The following C19orf53 variants were observed in gnomAD, a reference collection of about 807,000 sequenced individuals.
C19orf53 encodes chromosome 19 open reading frame 53, also known as leydig cell tumor 10 kDa protein homolog.
A neutral mutation model predicts 6.5 loss-of-function variants in C19orf53; 9 were observed. The observed-to-expected ratio is 1.38, with a 90% confidence interval of 0.83 to 2.40. The LOEUF is 2.40. Ranked by LOEUF, C19orf53 falls within the 30% of genes most tolerant of loss-of-function variation. The pLI is 0.00. For synonymous variants in C19orf53, 68 were observed against 52.5 expected (o/e 1.29, Z -1.27); for missense variants, 166 against 129.7 (o/e 1.28, Z -1.36).
At position 13,778,748 on chromosome 19, in the gene C19orf53, C is replaced by T. The variant is rs1048029222; in HGVS notation, c.*550C>T. Among the ~76,000 whole-genome samples the T allele has an allele frequency of 4.6e-5, 7 of 152,172 alleles. No homozygotes were observed. The highest frequency in any genetic ancestry group is 7.4e-5 in the Non-Finnish European group (5 of 68,022). On this transcript the variant is annotated 3_prime_UTR_variant, in exon 3 of 3. Transcript: ENST00000588234. ...ATGCCACCTCACAGGACCAAGGTGC[C>T]GATTAAACCGGAATACATTCAGAAA...
At chr19:13,776,211 C>T (rs1211256185) in intron 2 of C19orf53, among the ~76,000 whole-genome samples, 2 of 147,868 alleles carry the variant, frequency 1.4e-5, no homozygotes, top group Non-Finnish European at 3.0e-5. Context: ...AACTCCTGAC[C>T]TCATGATCTA....
chr19:13,776,003 C>G (rs1354301008), intron 2 of C19orf53, among the ~76,000 whole-genome samples: 1 of 151,944 alleles, frequency 6.6e-6, no homozygotes, highest in Non-Finnish European at 1.5e-5. Flanking sequence ...GTCGCCCAGG[C>G]TGGAGTGCAG....
Position 13,774,666 on chromosome 19 carries a change from C to G in C19orf53, c.112C>G (p.Pro38Ala). 3.1e-6 allele frequency: 5 copies of G among 1,609,930 alleles called. No individual in the cohort carries two copies. Among genetic ancestry groups the G allele is most frequent in the Non-Finnish European group, 4.3e-6 (5 of 1,176,434 alleles). Reference sequence around the variant, plus strand: ...TCTTTCCCCAGGTCGTGTTATCGCTCCCAAGAAGGCGCGCGTCGTGCAGCA... The same window carrying G: ...TCTTTCCCCAGGTCGTGTTATCGCTGCCAAGAAGGCGCGCGTCGTGCAGCA... ...GPRKGGRVIA[P>A]KKARVVQQQK... is the part of the protein sequence containing the mutation. Residue 38 changes from proline (P) to alanine (A), a missense_variant, in exon 2 of 3, where the codon CCC becomes GCC. Physicochemically the swap from Pro to Ala is conservative, Grantham distance 27. Transcript: ENST00000588234.
At chr19:13,777,920 C>T in intron 2 of C19orf53, 132 bp from the exon 3 acceptor site, 1 of 1,158,280 alleles carries the variant, frequency 8.6e-7, no homozygotes, top group Middle Eastern at 3.1e-4. Context: ...CCACCAGACC[C>T]ACAGTCAGGT....
chr19:13,778,406 T>C lies in C19orf53; in HGVS notation c.*208T>C. The C allele has an allele frequency of 1.9e-6, 1 of 513,984 alleles. No individual in the cohort carries two copies. 31.8% of individuals were successfully genotyped at this position (513,984 alleles called of 1,614,324 possible). On this transcript the variant is annotated 3_prime_UTR_variant, in exon 3 of 3. Transcript: ENST00000588234. ...TAACTTCATCTGTCCCCGTGCCCCT[T>C]CCCAGGTCCTGCCTCCACAGGTTTA...
chr19:13,777,176 T>G (rs184763483), intron 2 of C19orf53, among the ~76,000 whole-genome samples: 2 of 152,172 alleles, frequency 1.3e-5, no homozygotes, highest in Admixed American at 6.6e-5. Flanking sequence ...GGTCTAGAGC[T>G]CCTGACCTCA....
rs747721189 is a variant in C19orf53, at chr19:13,774,505, G to A, written c.28G>A (p.Ala10Thr). The change falls in exon 1 of 3, where the codon GCG becomes ACG. Residue 10 changes from alanine (A) to threonine (T), a missense_variant. By Grantham distance (58) the Ala-to-Thr change is moderately conservative (BLOSUM62 0). Coordinates refer to ENST00000588234, the MANE Select transcript of C19orf53 (RefSeq NM_014047.3). MAQGQRKFQ[A>T]HKPAKSKTAA... is the part of the protein sequence containing the mutation. ...GGCGCAGGGGCAGCGCAAGTTTCAG[G>A]CGCACAAACCCGCAAAGAGTAAGAC... 5.0e-6 allele frequency: 8 copies of A among 1,612,540 alleles called. No homozygotes were observed. The South Asian group carries it at 6.6e-5, about 13-fold the overall frequency.
At chr19:13,777,186 A>C (rs994241116) in intron 2 of C19orf53, among the ~76,000 whole-genome samples, 1 of 151,930 alleles carries the variant, frequency 6.6e-6, no homozygotes, top group African/African-American at 2.4e-5. Context: ...TCCTGACCTC[A>C]GGTGATATGC....
chr19:13,776,124 A>ATTTTTTTTTTTTTT (rs57201742), intron 2 of C19orf53, among the ~76,000 whole-genome samples: 1 of 84,920 alleles, frequency 1.2e-5, no homozygotes, highest in Non-Finnish European at 2.2e-5. Context: ...CACCGGGCTA[A>ATTTTTTTTTTTTTT]TTTTTTTTTT....
chr19:13,777,885 G>T (rs1974386347), intron 2 of C19orf53, among the ~76,000 whole-genome samples, 167 bp from the exon 3 acceptor site: 1 of 152,132 alleles, frequency 6.6e-6, no homozygotes, highest in Admixed American at 6.6e-5. Context: ...TGGAGGCCCC[G>T]GAGAGTGCAG....
chr19:13,776,230 G>T (rs1357838662), intron 2 of C19orf53, among the ~76,000 whole-genome samples: 1 of 145,218 alleles, frequency 6.9e-6, no homozygotes, highest in Non-Finnish European at 1.5e-5. Context: ...TACCCGCCTC[G>T]GCCTCCCAAA....
chr19:13,778,447 C>G lies in C19orf53; in HGVS notation c.*249C>G, dbSNP rs546403374. On this transcript the variant is annotated 3_prime_UTR_variant, in exon 3 of 3. Transcript: ENST00000588234. ...CACAGGTTTAACCCAGAACAATAAA[C>G]CTGGCTTTGTCATCCCTCTTGCAGT... 12 of 366,296 alleles carry G rather than the reference C, an allele frequency of 3.3e-5. No individual in the cohort carries two copies. Among genetic ancestry groups the G allele is most frequent in the African/African-American group, 2.3e-4 (11 of 48,048 alleles). The allele number at this position is 366,296 out of a possible 1,614,324, so 22.7% of individuals were successfully genotyped here. A position where few individuals can be genotyped will look rare whatever the true frequency, so the allele number is the denominator to read the frequency against.
In C19orf53 at chr19:13,775,003, A is replaced by T; in HGVS notation, c.153+296A>T. The T allele has an allele frequency of 5.6e-6, 3 of 534,528 alleles. No homozygotes were observed. The South Asian group carries it at 9.1e-5, about 16-fold the overall frequency. 33.1% of individuals were successfully genotyped at this position (534,528 alleles called of 1,614,324 possible). On this transcript the variant is annotated intron_variant, in intron 2 of 2. Transcript: ENST00000588234. ...CGAGGGAAGGAGCACAGGGATCGGCAAAGGGCAAGGGATGAGGCCTGGAGG... is the reference window on the plus strand; with the variant it reads ...CGAGGGAAGGAGCACAGGGATCGGCTAAGGGCAAGGGATGAGGCCTGGAGG...
At chr19:13,776,124 AT>A (rs57201742) in intron 2 of C19orf53, among the ~76,000 whole-genome samples, 1,136 of 84,890 alleles carry the variant, frequency 0.013, 8 homozygotes, top group African/African-American at 0.028. Flanking sequence ...CACCGGGCTA[AT>A]TTTTTTTTTT....
chr19:13,778,142 G>C lies in C19orf53; in HGVS notation c.244G>C (p.Ala82Pro), dbSNP rs1312007155. Reference sequence around the variant, plus strand: ...GCCCAAGAAGCTGGCACTGCTGAAGGCCCCAGCCAAGAAGAAAGGGGCAGC... The same window carrying C: ...GCCCAAGAAGCTGGCACTGCTGAAGCCCCCAGCCAAGAAGAAAGGGGCAGC... ...SLPKKLALLK[A>P]PAKKKGAAAA... Residue 82 changes from alanine to proline, a missense_variant, in exon 3 of 3, where the codon GCC becomes CCC. By Grantham distance (27) the Ala-to-Pro change is conservative (BLOSUM62 -1). Coordinates refer to ENST00000588234, the MANE Select transcript of C19orf53 (RefSeq NM_014047.3). The C allele has an allele frequency of 1.9e-6, 3 of 1,612,702 alleles. No individual in the cohort carries two copies. The highest frequency in any genetic ancestry group is 2.5e-6 in the Non-Finnish European group (3 of 1,179,158).
At position 13,778,308 on chromosome 19, in the gene C19orf53, T is replaced by C. The variant is rs1054537822; in HGVS notation, c.*110T>C. ...GGAAGAGGACCCTGTCCCCCAGCAC[T>C]GGGCTTCACCTAGAACTTCAGTGGG... On this transcript the variant is annotated 3_prime_UTR_variant, in exon 3 of 3. Coordinates refer to ENST00000588234, the MANE Select transcript of C19orf53 (RefSeq NM_014047.3). 6.7e-6 allele frequency: 9 copies of C among 1,336,178 alleles called. No homozygotes were observed. The highest frequency in any genetic ancestry group is 7.9e-6 in the Non-Finnish European group (8 of 1,013,602). The allele number at this position is 1,336,178 out of a possible 1,614,324, so 82.8% of individuals were successfully genotyped here.
chr19:13,775,056 C>T (rs1974353941), intron 2 of C19orf53, among the ~76,000 whole-genome samples: 1 of 152,110 alleles, frequency 6.6e-6, no homozygotes, highest in Non-Finnish European at 1.5e-5. Flanking sequence ...CCTCCCTTTT[C>T]TTCCTTGTGC....
intron 2 of C19orf53, among the ~76,000 whole-genome samples, chr19:13,775,231 T>C (rs890314782): frequency 7.2e-5 from 11 of 152,144 alleles, no homozygotes; most frequent in Admixed American, 3.9e-4. Context: ...AAAGCCCAGC[T>C]TTGTAAACCT....
intron 2 of C19orf53, 39 bp from the exon 3 acceptor site, chr19:13,778,013 C>A (rs924017827): frequency 1.5e-5 from 23 of 1,576,908 alleles, no homozygotes; most frequent in African/African-American, 2.7e-5. Context: ...CTCTCTCAGC[C>A]CCAGGTCACA....
Sources: gnomAD v4.1 joint callset for allele counts (sites outside exome capture counted in the v4.1 genomes callset) on GRCh38, gnomAD v4.1.1 for gene constraint, MANE v1.5 for transcripts, NCBI Gene and HGNC (gene_info 2026-07-23, HGNC 2026-07-21) for gene names.